The following MFHAS1 variants were observed in gnomAD, a reference collection of about 807,000 sequenced individuals.
MFHAS1 encodes the protein malignant fibrous histiocytoma-amplified sequence 1.
In MFHAS1, 50 loss-of-function variants were observed where a neutral mutation model predicts 70.4. The ratio of observed to expected loss-of-function variants is 0.71; its 90% CI spans 0.57 to 0.90. MFHAS1 has a LOEUF of 0.90. Ranked by LOEUF, MFHAS1 falls within the 40% of genes least tolerant of loss-of-function variation. The pLI is 0.00. For missense variants in MFHAS1, 1,795 were observed against 1,347.6 expected (o/e 1.33, Z -5.20); for synonymous variants, 952 against 620.0 (o/e 1.54, Z -7.96).
chr8:8,872,508 G>C (rs1054390201), intron 1 of MFHAS1, among the ~76,000 whole-genome samples: 2 of 152,172 alleles, frequency 1.3e-5, no homozygotes, highest in Non-Finnish European at 2.9e-5. Flanking sequence ...AGCTAAGCAA[G>C]AAAATGTTAT....
chr8:8,787,149 C>T (rs186727202), intron 2 of MFHAS1, among the ~76,000 whole-genome samples: 90 of 151,370 alleles, frequency 5.9e-4, no homozygotes, highest in Middle Eastern at 3.4e-3. Flanking sequence ...GGCGCAATCT[C>T]GGCTCACTGC....
At chr8:8,841,712 G>C (rs979367778) in intron 1 of MFHAS1, among the ~76,000 whole-genome samples, 1 of 152,034 alleles carries the variant, frequency 6.6e-6, no homozygotes, top group Non-Finnish European at 1.5e-5. Flanking sequence ...CCAGCCCCTG[G>C]TTATACTCTT....
intron 1 of MFHAS1, among the ~76,000 whole-genome samples, chr8:8,842,192 C>CT (rs370357508): frequency 0.023 from 3,454 of 147,058 alleles, 128 homozygotes; most frequent in African/African-American, 0.08. Context: ...ATTTTCTTTT[C>CT]TTTTTTTTTT....
chr8:8,887,568 T>A (rs965254102), intron 1 of MFHAS1, among the ~76,000 whole-genome samples: 1 of 150,256 alleles, frequency 6.7e-6, no homozygotes, highest in African/African-American at 2.4e-5. Flanking sequence ...ATGTACATAT[T>A]TTATAATTAT....
intron 1 of MFHAS1, among the ~76,000 whole-genome samples, chr8:8,846,917 C>A (rs1037719178): frequency 6.6e-6 from 1 of 152,148 alleles, no homozygotes; most frequent in Non-Finnish European, 1.5e-5. Context: ...CTTTGATACA[C>A]TGCATTCAAC....
intron 1 of MFHAS1, among the ~76,000 whole-genome samples, chr8:8,855,022 A>G (rs1237150706): frequency 6.6e-6 from 1 of 152,070 alleles, no homozygotes; most frequent in Non-Finnish European, 1.5e-5. Flanking sequence ...TGATTCTCCC[A>G]TCTCAGCCTG....
In MFHAS1 at chr8:8,892,532, G is replaced by A. The variant is rs1363308581; in HGVS notation, c.527C>T (p.Ser176Phe). The A allele has an allele frequency of 3.1e-6, 5 of 1,595,534 alleles. No homozygotes were observed. The highest frequency in any genetic ancestry group is 4.3e-6 in the Non-Finnish European group (5 of 1,171,336). ...SFNRLAHLPD[S>F]LSCLSRLRTL... is the part of the protein sequence containing the mutation. ...GCGCAGGCGGGAGAGGCAGGAGAGGGAGTCAGGCAGGTGCGCCAGCCGGTT... is the reference window on the plus strand; with the variant it reads ...GCGCAGGCGGGAGAGGCAGGAGAGGAAGTCAGGCAGGTGCGCCAGCCGGTT... Residue 176 changes from serine to phenylalanine, a missense_variant, in exon 1 of 3, where the codon TCC (serine) becomes TTC (phenylalanine). By Grantham distance (155) the Ser-to-Phe change is radical. Transcript: ENST00000276282. This position sits in a 1 kb window ranked among gnomAD's most constrained non-coding sequence, Gnocchi z 4.7.
At position 8,892,763 on chromosome 8, in the gene MFHAS1, A is replaced by T. The variant is rs1810127906; in HGVS notation, c.296T>A (p.Phe99Tyr). Residue 99 changes from phenylalanine (F) to tyrosine (Y), a missense_variant, in exon 1 of 3, where the codon TTC (phenylalanine) becomes TAC (tyrosine). By Grantham distance (22) the Phe-to-Tyr change is conservative. Transcript: ENST00000276282. The surrounding 1 kb of genome is among the most constrained non-coding windows in gnomAD (Gnocchi z 4.7). ...GGCCACCGCCGGGGGCAGCCGGGCGAAGCGGTTCCTGCGCAGGACCAGGAC... is the reference window on the plus strand; with the variant it reads ...GGCCACCGCCGGGGGCAGCCGGGCGTAGCGGTTCCTGCGCAGGACCAGGAC... ...LRVLVLRRNR[F>Y]ARLPPAVAEL... The T allele has an allele frequency of 1.3e-6, 2 of 1,573,216 alleles. No homozygotes were observed. Among genetic ancestry groups the T allele is most frequent in the Non-Finnish European group, 1.7e-6 (2 of 1,161,332 alleles).
At position 8,785,871 on chromosome 8, in the gene MFHAS1, C is replaced by G. The variant is rs1361765634; in HGVS notation, c.*151G>C. On this transcript the variant is annotated 3_prime_UTR_variant, in exon 3 of 3. Transcript: ENST00000276282. ...CCACCACCCCCTCCCCACCTCTTCC[C>G]CAGTCGTCCAAAAAGCACCCTGCAA... is the stretch of plus-strand genomic sequence containing the variant. 3 of 540,592 alleles carry G rather than the reference C, an allele frequency of 5.5e-6. No homozygotes were observed. The highest frequency in any genetic ancestry group is 6.9e-6 in the Non-Finnish European group (2 of 289,558). The allele number at this position is 540,592 out of a possible 1,614,324, so 33.5% of individuals were successfully genotyped here.
rs762642593 is a variant in MFHAS1, at chr8:8,892,423, G to A, written c.636C>T (p.Ser212=). ...QLVALEELDV[S]SNRLRGLPED... is the part of the protein sequence containing the mutation. The stretch of plus-strand genomic sequence containing the variant: ...CAGGCAGGCCCCGCAGCCGGTTGCT[G>A]GACACGTCCAGCTCCTCCAGGGCCA... The change falls in exon 1 of 3, where the codon TCC becomes TCT. Residue 212 remains serine (S), a synonymous_variant. Coordinates refer to ENST00000276282, the MANE Select transcript of MFHAS1 (RefSeq NM_004225.3). This position sits in a 1 kb window ranked among gnomAD's most constrained non-coding sequence, Gnocchi z 4.7. The A allele has an allele frequency of 3.7e-6, 6 of 1,612,566 alleles. No homozygotes were observed. The African/African-American group carries it at 5.3e-5, about 14-fold the overall frequency.
Position 8,891,872 on chromosome 8 carries a change from T to A in MFHAS1, c.1187A>T (p.Gln396Leu). The part of the protein sequence containing the change: ...MKGIPYIAAY[Q>L]KELAHSQPAV... The stretch of plus-strand genomic sequence containing the variant: ...CGGCTGGGAATGAGCCAGTTCCTTC[T>A]GGTAGGCTGCGATGTAGGGGATCCC... The change falls in exon 1 of 3, where the codon CAG (glutamine) becomes CTG (leucine). Residue 396 changes from glutamine (Q) to leucine (L), a missense_variant. Physicochemically the swap from Gln to Leu is moderately radical, Grantham distance 113 (BLOSUM62 -2). Coordinates refer to ENST00000276282, the MANE Select transcript of MFHAS1 (RefSeq NM_004225.3). The surrounding 1 kb of genome is among the most constrained non-coding windows in gnomAD (Gnocchi z 5.4). 6.2e-7 allele frequency: 1 copy of A among 1,611,924 alleles called. No individual in the cohort carries two copies. The highest frequency in any genetic ancestry group is 8.5e-7 in the Non-Finnish European group (1 of 1,179,096).
chr8:8,883,912 T>A (rs901424323), intron 1 of MFHAS1, among the ~76,000 whole-genome samples: 2 of 151,342 alleles, frequency 1.3e-5, no homozygotes, highest in African/African-American at 4.9e-5. Context: ...AAATAAAAAA[T>A]ACTGGTTGGG....
intron 2 of MFHAS1, among the ~76,000 whole-genome samples, chr8:8,787,049 C>A (rs1367005805): frequency 6.6e-6 from 1 of 152,002 alleles, no homozygotes; most frequent in East Asian, 1.9e-4. Flanking sequence ...CTAATAATCC[C>A]ACCATGTAAG....
At chr8:8,816,875 T>G (rs1168552506) in intron 1 of MFHAS1, among the ~76,000 whole-genome samples, 1 of 152,212 alleles carries the variant, frequency 6.6e-6, no homozygotes, top group Non-Finnish European at 1.5e-5. Context: ...AAGGTTAACA[T>G]ACTCTTACCC....
chr8:8,880,335 G>A (rs1189331037), intron 1 of MFHAS1, among the ~76,000 whole-genome samples: 1 of 152,206 alleles, frequency 6.6e-6, no homozygotes, highest in Non-Finnish European at 1.5e-5. Flanking sequence ...GATGTGGCAG[G>A]TGCACAACAC....
At chr8:8,852,707 G>A (rs1808292758) in intron 1 of MFHAS1, among the ~76,000 whole-genome samples, 1 of 152,142 alleles carries the variant, frequency 6.6e-6, no homozygotes, top group Admixed American at 6.5e-5. Flanking sequence ...CCGTTCTGAA[G>A]TCCAGAGAAA....
Position 8,872,786 on chromosome 8 carries a change from A to T in MFHAS1, c.2998+17275T>A, listed in dbSNP as rs558420928. 4.6e-5 allele frequency among the ~76,000 whole-genome samples: 7 copies of T among 152,254 alleles called. No homozygotes were observed. In the East Asian group the frequency reaches 1.3e-3, roughly 29 times the overall value. Reference sequence around the variant, plus strand: ...ATTCCAAGGGAAAAAATAAAAATAAAAAAAAAGATGGGAACAATACAGTAA... The same window carrying T: ...ATTCCAAGGGAAAAAATAAAAATAATAAAAAAGATGGGAACAATACAGTAA... On this transcript the variant is annotated intron_variant, in intron 1 of 2. Transcript: ENST00000276282.
intron 1 of MFHAS1, among the ~76,000 whole-genome samples, chr8:8,878,854 A>G (rs1038326085): frequency 6.6e-6 from 1 of 152,166 alleles, no homozygotes; most frequent in East Asian, 1.9e-4. Flanking sequence ...TTTTCTCAAC[A>G]TTTAATATGC....
intron 1 of MFHAS1, among the ~76,000 whole-genome samples, chr8:8,823,899 G>C (rs1807058078): frequency 8.0e-6 from 1 of 125,148 alleles, no homozygotes; most frequent in Non-Finnish European, 1.7e-5. Flanking sequence ...ATGTATGAGT[G>C]AGCGCTCACA....
Sources: allele counts gnomAD v4.1 joint callset (sites outside exome capture counted in the v4.1 genomes callset), GRCh38; gene constraint gnomAD v4.1.1; non-coding constraint Gnocchi (gnomAD v3.1); transcripts MANE v1.5; gene names NCBI Gene and HGNC (gene_info 2026-07-23, HGNC 2026-07-21).